Variants in MMP16 observed in about 807,000 individuals in gnomAD.
MMP16 encodes the protein matrix metallopeptidase 16.
In MMP16, 12 loss-of-function variants were observed where a neutral mutation model predicts 67.8. The ratio of observed to expected loss-of-function variants is 0.18; its 90% CI spans 0.11 to 0.29. The LOEUF is 0.29. Among genes scored for constraint, MMP16 ranks in the 10% least tolerant of loss-of-function variants. The pLI is 1.00. For missense variants in MMP16, 475 were observed against 765.7 expected (o/e 0.62, Z 4.48); for synonymous variants, 249 against 255.9 (o/e 0.97, Z 0.26).
chr8:88,113,557 T>C lies in MMP16; in HGVS notation c.1083+2950A>G, dbSNP rs563900016. Among the ~76,000 whole-genome samples, 8 of 151,888 alleles carry C rather than the reference T, an allele frequency of 5.3e-5. No individual in the cohort carries two copies. The East Asian group carries it at 1.4e-3, about 26-fold the overall frequency. On this transcript the variant is annotated intron_variant, in intron 6 of 9. Transcript: ENST00000286614. ...AATAATGATGTGTATATTGAAGAAATGTTGAAACGGCAGAAAGATCAGATA... is the reference window on the plus strand; with the variant it reads ...AATAATGATGTGTATATTGAAGAAACGTTGAAACGGCAGAAAGATCAGATA...
chr8:88,169,618 A>G (rs985559469), intron 3 of MMP16, among the ~76,000 whole-genome samples: 3 of 152,214 alleles, frequency 2.0e-5, no homozygotes, highest in African/African-American at 7.2e-5. Flanking sequence ...TTGGTGGTAA[A>G]TATTATTCAT....
chr8:88,072,608 T>C (rs1256859187), intron 7 of MMP16, among the ~76,000 whole-genome samples: 1 of 152,048 alleles, frequency 6.6e-6, no homozygotes, highest in Non-Finnish European at 1.5e-5. Flanking sequence ...AAAACGAAAT[T>C]ATTGCTGTTG....
chr8:88,105,541 A>T (rs1052172238), intron 6 of MMP16, among the ~76,000 whole-genome samples: 3 of 151,558 alleles, frequency 2.0e-5, no homozygotes, highest in Non-Finnish European at 3.0e-5. Context: ...ATAGTGATGG[A>T]AACAGAAAAA....
chr8:88,106,632 C>G (rs914186621), intron 6 of MMP16, among the ~76,000 whole-genome samples: 1 of 151,152 alleles, frequency 6.6e-6, no homozygotes, highest in Non-Finnish European at 1.5e-5. Flanking sequence ...ATGTAAGATA[C>G]TATTAACCTT....
At chr8:88,119,657 C>T (rs975500049) in intron 4 of MMP16, among the ~76,000 whole-genome samples, 1 of 152,034 alleles carries the variant, frequency 6.6e-6, no homozygotes, top group African/African-American at 2.4e-5. Flanking sequence ...ATGACTTCTA[C>T]ATTTTGTTCA....
At chr8:88,254,510 C>T (rs1007472368) in intron 1 of MMP16, among the ~76,000 whole-genome samples, 5 of 151,260 alleles carry the variant, frequency 3.3e-5, no homozygotes, top group Non-Finnish European at 5.9e-5. Context: ...CTCAAACTCC[C>T]AACATGTTGA....
intron 7 of MMP16, among the ~76,000 whole-genome samples, chr8:88,065,153 T>G (rs1808449202): frequency 6.6e-6 from 1 of 152,126 alleles, no homozygotes; most frequent in Admixed American, 6.6e-5. Context: ...TCCTGCCTTG[T>G]CCCCTTTAAT....
chr8:88,262,382 C>T (rs1007654512), intron 1 of MMP16, among the ~76,000 whole-genome samples: 1 of 152,166 alleles, frequency 6.6e-6, no homozygotes, highest in African/African-American at 2.4e-5. Context: ...ATGGACTTGT[C>T]TACCAAGAAT....
chr8:88,085,137 T>C (rs1401288045), intron 6 of MMP16, among the ~76,000 whole-genome samples: 2 of 152,050 alleles, frequency 1.3e-5, no homozygotes, highest in African/African-American at 2.4e-5. Context: ...TTACAGATAA[T>C]TGTAAAAGGT....
At chr8:88,140,983 G>C (rs569317622) in intron 4 of MMP16, among the ~76,000 whole-genome samples, 2 of 152,214 alleles carry the variant, frequency 1.3e-5, no homozygotes, top group East Asian at 1.9e-4. Flanking sequence ...GTCCTTCCCA[G>C]TTTATCAATA....
chr8:88,107,129 C>T (rs1453902880), intron 6 of MMP16, among the ~76,000 whole-genome samples: 1 of 151,082 alleles, frequency 6.6e-6, no homozygotes, highest in Non-Finnish European at 1.5e-5. Flanking sequence ...TTTGTCCCAT[C>T]TAGCAGTCTC....
At chr8:88,259,034 C>A (rs1810347247) in intron 1 of MMP16, among the ~76,000 whole-genome samples, 1 of 152,132 alleles carries the variant, frequency 6.6e-6, no homozygotes, top group African/African-American at 2.4e-5. Context: ...TCCTTTCCTC[C>A]TTTCACCATA....
At chr8:88,208,211 G>T in intron 1 of MMP16, among the ~76,000 whole-genome samples, 1 of 152,144 alleles carries the variant, frequency 6.6e-6, no homozygotes, top group East Asian at 1.9e-4. Context: ...CAGGCAGGAA[G>T]AAATGGGCTA....
chr8:88,161,498 C>A (rs1212328450), intron 4 of MMP16, among the ~76,000 whole-genome samples: 1 of 152,060 alleles, frequency 6.6e-6, no homozygotes, highest in African/African-American at 2.4e-5. Context: ...TTTCAAAAAA[C>A]CAGCTCCTGG....
intron 4 of MMP16, among the ~76,000 whole-genome samples, chr8:88,143,844 T>C (rs562307413): frequency 5.0e-4 from 76 of 152,144 alleles, no homozygotes; most frequent in African/African-American, 1.8e-3. Flanking sequence ...TTAAGATGCA[T>C]TGTTATTTAC....
intron 7 of MMP16, among the ~76,000 whole-genome samples, chr8:88,073,888 C>G (rs79963123): frequency 1.3e-5 from 2 of 152,142 alleles, no homozygotes; most frequent in Admixed American, 6.5e-5. Flanking sequence ...AGCTTCAGCT[C>G]AAATACATTC....
chr8:88,057,726 C>T lies in MMP16; in HGVS notation c.1223-1448G>A, dbSNP rs1356184965. On this transcript the variant is annotated intron_variant, in intron 7 of 9. Coordinates refer to ENST00000286614, the MANE Select transcript of MMP16 (RefSeq NM_005941.5). Reference sequence around the variant, plus strand: ...TTAGTTAGGAGTTTCTAGTTTGTAACCATGGGTAATCTCATTTACTCCAAG... The same window carrying T: ...TTAGTTAGGAGTTTCTAGTTTGTAATCATGGGTAATCTCATTTACTCCAAG... 2.6e-5 allele frequency among the ~76,000 whole-genome samples: 4 copies of T among 152,182 alleles called. No individual in the cohort carries two copies. The South Asian group carries it at 6.2e-4, about 24-fold the overall frequency.
intron 8 of MMP16, among the ~76,000 whole-genome samples, chr8:88,050,900 T>C (rs1586123501): frequency 6.6e-6 from 1 of 152,334 alleles, no homozygotes; most frequent in Non-Finnish European, 1.5e-5. Context: ...AGAGATCTCA[T>C]TTCAGGAAAA....
chr8:88,254,775 T>A lies in MMP16; in HGVS notation c.133-57469A>T, dbSNP rs1037950967. ...GACAACAAAATACAACATTGTATCC[T>A]GGATGGGATCCTGGAACAGAAAAAG... On this transcript the variant is annotated intron_variant, in intron 1 of 9. Coordinates refer to ENST00000286614, the MANE Select transcript of MMP16 (RefSeq NM_005941.5). Among the ~76,000 whole-genome samples the A allele has an allele frequency of 2.0e-5, 3 of 152,280 alleles. No homozygotes were observed. The South Asian group carries it at 6.2e-4, about 32-fold the overall frequency.
Sources: gnomAD v4.1 joint callset for allele counts (sites outside exome capture counted in the v4.1 genomes callset) on GRCh38, gnomAD v4.1.1 for gene constraint, MANE v1.5 for transcripts, NCBI Gene and HGNC (gene_info 2026-07-23, HGNC 2026-07-21) for gene names.